Variants in NIPAL2 observed in about 807,000 individuals in gnomAD.
NIPAL2 encodes the protein NIPA like domain containing 2.
Under a neutral mutation model 48.9 loss-of-function variants are expected in NIPAL2, and 43 were observed. That is an observed-to-expected ratio of 0.88 (90% CI 0.69 to 1.13). The LOEUF (loss-of-function observed/expected upper bound fraction) is 1.13. Among genes scored for constraint, NIPAL2 ranks in the 50% most tolerant of loss-of-function variants. The pLI is 0.00. For missense variants in NIPAL2, 446 were observed against 461.4 expected (o/e 0.97, Z 0.31); for synonymous variants, 167 against 174.6 (o/e 0.96, Z 0.34).
intron 3 of NIPAL2, among the ~76,000 whole-genome samples, chr8:98,245,781 G>T (rs1334802474): frequency 6.6e-6 from 1 of 152,186 alleles, no homozygotes; most frequent in African/African-American, 2.4e-5. Flanking sequence ...AAGTGTTTAG[G>T]CTTCAGGAAT....
intron 5 of NIPAL2, among the ~76,000 whole-genome samples, chr8:98,222,240 G>T (rs1218979898): frequency 6.6e-6 from 1 of 152,090 alleles, no homozygotes; most frequent in Non-Finnish European, 1.5e-5. Context: ...AAAACGTATT[G>T]CTCTGGAACT....
intron 8 of NIPAL2, among the ~76,000 whole-genome samples, chr8:98,199,747 G>A (rs928156509): frequency 1.3e-5 from 2 of 152,154 alleles, no homozygotes; most frequent in African/African-American, 4.8e-5. Context: ...TTGGAAAAAT[G>A]ATTCCAACAG....
At position 98,194,718 on chromosome 8, in the gene NIPAL2, A is replaced by G. The variant is rs374879320; in HGVS notation, c.1039+10T>C. On this transcript the variant is annotated intron_variant, in intron 10 of 10. Coordinates refer to ENST00000430223, the MANE Select transcript of NIPAL2 (RefSeq NM_001321635.2). ...TCAAATTTTCCACTATAAAGAATAT[A>G]TGATTTTACCAGGAATATTTCCAAA... 10 of 1,489,620 alleles carry G rather than the reference A, an allele frequency of 6.7e-6. No individual in the cohort carries two copies. The highest frequency in any genetic ancestry group is 9.1e-6 in the Non-Finnish European group (10 of 1,101,498). 92.3% of individuals were successfully genotyped at this position (1,489,620 alleles called of 1,614,324 possible). A position where few individuals can be genotyped will look rare whatever the true frequency, so the allele number is the denominator to read the frequency against.
chr8:98,237,927 CT>C (rs1812799550), intron 3 of NIPAL2, among the ~76,000 whole-genome samples: 1 of 152,200 alleles, frequency 6.6e-6, no homozygotes, highest in Non-Finnish European at 1.5e-5. Flanking sequence ...TGAGATATGT[CT>C]TTTTATTCTT....
intron 3 of NIPAL2, among the ~76,000 whole-genome samples, chr8:98,246,017 C>T (rs937268408): frequency 6.6e-6 from 1 of 152,182 alleles, no homozygotes; most frequent in Non-Finnish European, 1.5e-5. Context: ...GTGACCTCAT[C>T]CAGGCTGGCA....
At chr8:98,203,054 G>C in intron 8 of NIPAL2, 54 bp downstream of exon 8, 1 of 1,342,636 alleles carries the variant, frequency 7.4e-7, no homozygotes, top group Non-Finnish European at 1.1e-6. Context: ...ATTTACTCTG[G>C]GAGAAACTTC....
intron 4 of NIPAL2, among the ~76,000 whole-genome samples, chr8:98,234,705 A>T: frequency 9.2e-6 from 1 of 108,840 alleles, no homozygotes; most frequent in Non-Finnish European, 1.9e-5. Context: ...ATGACACCAC[A>T]CCTGTCTATT....
At chr8:98,203,297 A>C in intron 7 of NIPAL2, 101 bp from the exon 8 acceptor site, 1 of 844,762 alleles carries the variant, frequency 1.2e-6, no homozygotes, top group Middle Eastern at 2.2e-4. Flanking sequence ...TACAACTACA[A>C]AGGGAAAGGA....
chr8:98,226,409 T>G (rs1812173315), intron 4 of NIPAL2, among the ~76,000 whole-genome samples: 1 of 152,156 alleles, frequency 6.6e-6, no homozygotes. Context: ...TGATCTAAGT[T>G]TTTGGTCACT....
In NIPAL2 at chr8:98,294,052, G is replaced by C; in HGVS notation, c.86C>G (p.Pro29Arg). The change falls in exon 1 of 11, where the codon CCA (proline) becomes CGA (arginine). Residue 29 changes from proline (P) to arginine (R), a missense_variant. Pro to Arg is a moderately radical substitution (Grantham distance 103). Transcript: ENST00000430223. ...ELSLNFTYGA[P>R]GAGNGSLSGD... is the part of the protein sequence containing the mutation. ...CGAGAGGGAGCCGTTGCCGGCGCCTGGTGCCCCGTACGTGAAATTCAGTGA... is the reference window on the plus strand; with the variant it reads ...CGAGAGGGAGCCGTTGCCGGCGCCTCGTGCCCCGTACGTGAAATTCAGTGA... 1 of 1,500,872 alleles carries C rather than the reference G, an allele frequency of 6.7e-7. No homozygotes were observed. Among genetic ancestry groups the C allele is most frequent in the Non-Finnish European group, 8.9e-7 (1 of 1,125,568 alleles). 93.0% of individuals were successfully genotyped at this position (1,500,872 alleles called of 1,614,324 possible).
intron 1 of NIPAL2, among the ~76,000 whole-genome samples, chr8:98,281,089 T>C (rs911955408): frequency 1.3e-5 from 2 of 151,864 alleles, no homozygotes; most frequent in Non-Finnish European, 2.9e-5. Flanking sequence ...GAAGACCGCA[T>C]GTAGGCACTG....
At chr8:98,236,598 C>A (rs1236959692) in intron 3 of NIPAL2, among the ~76,000 whole-genome samples, 1 of 152,110 alleles carries the variant, frequency 6.6e-6, no homozygotes, top group African/African-American at 2.4e-5. Context: ...TGCAGTGGAT[C>A]ATGCCTGTAA....
At chr8:98,221,019 A>G (rs1811840624) in intron 5 of NIPAL2, among the ~76,000 whole-genome samples, 1 of 116,988 alleles carries the variant, frequency 8.5e-6, no homozygotes, top group Admixed American at 1.3e-4. Context: ...CTTGTCGCCC[A>G]GACTGGAGTG....
chr8:98,285,792 G>A (rs1172123579), intron 1 of NIPAL2, among the ~76,000 whole-genome samples: 1 of 152,040 alleles, frequency 6.6e-6, no homozygotes, highest in Non-Finnish European at 1.5e-5. Flanking sequence ...TCATGGTAGG[G>A]AAGCCGAATT....
chr8:98,293,058 C>T (rs531571903), intron 1 of NIPAL2, among the ~76,000 whole-genome samples: 1 of 152,206 alleles, frequency 6.6e-6, no homozygotes, highest in Admixed American at 6.5e-5. Flanking sequence ...CTTCTGCATT[C>T]AGAAATTAAT....
chr8:98,210,606 C>A (rs1763314290), intron 6 of NIPAL2, among the ~76,000 whole-genome samples: 1 of 152,132 alleles, frequency 6.6e-6, no homozygotes, highest in African/African-American at 2.4e-5. Context: ...ATTAGAGGTA[C>A]CAGTTCATGA....
At chr8:98,240,359 C>T (rs1023941539) in intron 3 of NIPAL2, among the ~76,000 whole-genome samples, 5 of 152,238 alleles carry the variant, frequency 3.3e-5, no homozygotes, top group South Asian at 4.1e-4. Flanking sequence ...GAGGAAGATG[C>T]GGGCTCTCCT....
intron 1 of NIPAL2, among the ~76,000 whole-genome samples, chr8:98,277,624 A>T (rs1815548662): frequency 6.6e-6 from 1 of 152,150 alleles, no homozygotes; most frequent in Admixed American, 6.5e-5. Context: ...TCCTCCCCAC[A>T]GTCCATGGCA....
Position 98,255,176 on chromosome 8 carries a change from T to C in NIPAL2, c.136-1089A>G, listed in dbSNP as rs559542548. ...AATCGTGTAACACAAGAACTATAGA[T>C]GTTAAAAGGTAAGTTCTTACACGTT... On this transcript the variant is annotated intron_variant, in intron 1 of 10. Transcript: ENST00000430223. Among the ~76,000 whole-genome samples the C allele has an allele frequency of 3.3e-5, 5 of 152,346 alleles. No individual in the cohort carries two copies. In the South Asian group the frequency reaches 1.0e-3, roughly 32 times the overall value.
Sources: gnomAD v4.1 joint callset for allele counts (sites outside exome capture counted in the v4.1 genomes callset) on GRCh38, gnomAD v4.1.1 for gene constraint, MANE v1.5 for transcripts, NCBI Gene and HGNC (gene_info 2026-07-23, HGNC 2026-07-21) for gene names.